Variants in ARAP2 observed in about 807,000 individuals in gnomAD.
ARAP2 encodes the protein arf-GAP with Rho-GAP domain, ANK repeat and PH domain-containing protein 2.
Under a neutral mutation model 194.5 loss-of-function variants are expected in ARAP2, and 148 were observed. The observed-to-expected ratio is 0.76, with a 90% confidence interval of 0.67 to 0.87. The LOEUF is 0.87. Among genes scored for constraint, ARAP2 ranks in the 40% least tolerant of loss-of-function variants. The probability of loss-of-function intolerance (pLI) is 0.00; values close to 1 mark genes in which losing one functional copy is unlikely to be tolerated. For synonymous variants in ARAP2, 695 were observed against 683.5 expected (o/e 1.02, Z -0.26); for missense variants, 2,128 against 1,989.7 (o/e 1.07, Z -1.32).
chr4:36,195,936 C>A (rs1442209595), intron 6 of ARAP2, among the ~76,000 whole-genome samples: 1 of 152,132 alleles, frequency 6.6e-6, no homozygotes, highest in African/African-American at 2.4e-5. Context: ...AGGAATATGG[C>A]ACTGAAAAAG....
At chr4:36,242,169 C>T (rs1049954396) in intron 1 of ARAP2, among the ~76,000 whole-genome samples, 1 of 152,128 alleles carries the variant, frequency 6.6e-6, no homozygotes, top group African/African-American at 2.4e-5. Flanking sequence ...CGTCTCATAG[C>T]CTCTAATCTC....
intron 8 of ARAP2, among the ~76,000 whole-genome samples, chr4:36,178,948 A>T (rs1738599632): frequency 6.6e-6 from 1 of 152,188 alleles, no homozygotes; most frequent in Admixed American, 6.5e-5. Context: ...AGAGAATAGG[A>T]TTTTGAGCAG....
chr4:36,032,969 G>C (rs1477878302), intron 5 of ARAP2, among the ~76,000 whole-genome samples: 1 of 150,394 alleles, frequency 6.6e-6, no homozygotes, highest in Admixed American at 6.7e-5. Context: ...GTATACTGAT[G>C]TCCAGCTCCA....
downstream of ARAP2, chr4:36,065,102 G>C: frequency 4.2e-6 from 1 of 237,610 alleles, no homozygotes; most frequent in Non-Finnish European, 8.9e-6. Flanking sequence ...CTTGGGCTAG[G>C]CCTAGCGAGA....
chr4:36,101,811 G>A (rs919179799), intron 27 of ARAP2, among the ~76,000 whole-genome samples: 1 of 151,908 alleles, frequency 6.6e-6, no homozygotes, highest in African/African-American at 2.4e-5. Context: ...ATGAAATTCT[G>A]TCTCCTATCC....
chr4:36,193,625 A>T lies in ARAP2; in HGVS notation c.1510T>A (p.Trp504Arg). Residue 504 changes from tryptophan to arginine, a missense_variant, in exon 7 of 33, where the codon TGG becomes AGG. Trp to Arg is a moderately radical substitution (Grantham distance 101). Coordinates refer to ENST00000303965, the MANE Select transcript of ARAP2 (RefSeq NM_015230.4). ...PQGKRMFQKR[W>R]VKFDGLSISY... ...ATGCTAAGGCCATCAAATTTCACCC[A>T]TCTCTTTTGAAACATGCGTTTTCTG... 6.2e-7 allele frequency: 1 copy of T among 1,603,456 alleles called. No homozygotes were observed. Among genetic ancestry groups the T allele is most frequent in the African/African-American group, 1.3e-5 (1 of 74,816 alleles).
chr4:36,040,821 C>A (rs1447032314), intron 5 of ARAP2, among the ~76,000 whole-genome samples: 1 of 152,118 alleles, frequency 6.6e-6, no homozygotes, highest in Non-Finnish European at 1.5e-5. Context: ...TATTTGGATG[C>A]CTTTCATTTC....
intron 20 of ARAP2, among the ~76,000 whole-genome samples, chr4:36,131,886 T>C (rs1233625220): frequency 6.6e-6 from 1 of 151,794 alleles, no homozygotes; most frequent in East Asian, 1.9e-4. Flanking sequence ...CAGATGGTTA[T>C]AGCTAATAAG....
chr4:36,143,548 G>A (rs1728871907), intron 19 of ARAP2, among the ~76,000 whole-genome samples: 1 of 151,620 alleles, frequency 6.6e-6, no homozygotes, highest in South Asian at 2.1e-4. Context: ...GCAAAAGAAG[G>A]CTGTTTAAGT....
At chr4:36,022,940 A>G (rs908402702) in intron 5 of ARAP2, among the ~76,000 whole-genome samples, 11 of 152,168 alleles carry the variant, frequency 7.2e-5, no homozygotes, top group Admixed American at 5.9e-4. Flanking sequence ...AGAAAATCCA[A>G]GAAACTATAT....
intron 9 of ARAP2, among the ~76,000 whole-genome samples, chr4:36,011,935 T>A (rs1297298840): frequency 6.6e-6 from 1 of 152,190 alleles, no homozygotes; most frequent in Admixed American, 6.5e-5. Context: ...TTATTAATGA[T>A]AATAATGCAT....
intron 7 of ARAP2, among the ~76,000 whole-genome samples, chr4:36,191,542 A>C (rs1741906496): frequency 6.6e-6 from 1 of 151,368 alleles, no homozygotes. Context: ...GATCCCAAGA[A>C]AAATCTTGTA....
Position 36,101,396 on chromosome 4 carries a change from G to GGT in ARAP2, c.4285+6168_4285+6169insAC, listed in dbSNP as rs61553104. Among the ~76,000 whole-genome samples, 9 of 149,990 alleles carry GGT rather than the reference G, an allele frequency of 6.0e-5. No homozygotes were observed. In the East Asian group the frequency reaches 1.2e-3, roughly 20 times the overall value. ...CAGGATTTAATACAAAAGTACCAGA[G>GGT]TTTTTTTTTTTTTGCTATTTTACTA... On this transcript the variant is annotated intron_variant, in intron 27 of 32. Transcript: ENST00000303965.
Position 36,177,992 on chromosome 4 carries a change from G to A in ARAP2, c.1692C>T (p.Asp564=). ...GTGCATTTAATAGTATGCTGATCCAGTCATTTCTCTCCTCTGAAAATGAAG... is the reference window on the plus strand; with the variant it reads ...GTGCATTTAATAGTATGCTGATCCAATCATTTCTCTCCTCTGAAAATGAAG... ...FRVEKEEERN[D]WISILLNALK... The change falls in exon 9 of 33, where the codon GAC becomes GAT. Residue 564 remains aspartate, a synonymous_variant. Transcript: ENST00000303965. 6.3e-7 allele frequency: 1 copy of A among 1,597,270 alleles called. No homozygotes were observed. Among genetic ancestry groups the A allele is most frequent in the Non-Finnish European group, 8.5e-7 (1 of 1,173,902 alleles).
intron 11 of ARAP2, among the ~76,000 whole-genome samples, chr4:36,162,837 A>T (rs1734410201): frequency 6.6e-6 from 1 of 152,128 alleles, no homozygotes; most frequent in Admixed American, 6.5e-5. Context: ...AGATTGAGAG[A>T]GATTGATAAG....
intron 26 of ARAP2, among the ~76,000 whole-genome samples, chr4:36,111,062 A>G (rs937618561): frequency 2.6e-5 from 4 of 151,962 alleles, no homozygotes; most frequent in Non-Finnish European, 5.9e-5. Flanking sequence ...TATACAAAGG[A>G]AATACTGAAT....
chr4:36,036,003 C>T (rs1019150930), intron 5 of ARAP2, among the ~76,000 whole-genome samples: 1 of 152,086 alleles, frequency 6.6e-6, no homozygotes, highest in Non-Finnish European at 1.5e-5. Flanking sequence ...TTTTTTCATG[C>T]TGCAACGTCA....
At chr4:36,208,407 C>A (rs1746022324) in intron 6 of ARAP2, among the ~76,000 whole-genome samples, 1 of 152,202 alleles carries the variant, frequency 6.6e-6, no homozygotes, top group African/African-American at 2.4e-5. Context: ...ATACTTGCAA[C>A]AGAGACCATT....
In ARAP2 at chr4:36,167,066, TA is replaced by T; in HGVS notation, c.1858-20del. 4 of 1,309,862 alleles carry T rather than the reference TA, an allele frequency of 3.1e-6. No individual in the cohort carries two copies. Among genetic ancestry groups the T allele is most frequent in the South Asian group, 2.7e-5 (2 of 75,162 alleles). The allele number at this position is 1,309,862 out of a possible 1,614,324, so 81.1% of individuals were successfully genotyped here. A position where few individuals can be genotyped will look rare whatever the true frequency, so the allele number is the denominator to read the frequency against. The stretch of plus-strand genomic sequence containing the variant: ...TAAAATCCTAGTTTGGAGAAAAACA[TA>T]AAAAACTATAAAGAAACAAAAAAAA... On this transcript the variant is annotated intron_variant, in intron 9 of 32. Transcript: ENST00000303965.
Sources: allele counts gnomAD v4.1 joint callset (sites outside exome capture counted in the v4.1 genomes callset), GRCh38; gene constraint gnomAD v4.1.1; transcripts MANE v1.5; gene names NCBI Gene and HGNC (gene_info 2026-07-23, HGNC 2026-07-21).